CCDC125: variants seen among roughly 807,000 people sequenced by gnomAD.
CCDC125 encodes coiled-coil domain containing 125, also known as coiled-coil domain-containing protein 125.
A neutral mutation model predicts 57.4 loss-of-function variants in CCDC125; 43 were observed. That is an observed-to-expected ratio of 0.75 (90% CI 0.59 to 0.97). The LOEUF is 0.97. CCDC125 is among the 50% of genes least tolerant of loss of function. The probability of loss-of-function intolerance (pLI) is 0.00; values close to 1 mark genes in which losing one functional copy is unlikely to be tolerated. For missense variants in CCDC125, 563 were observed against 595.7 expected (o/e 0.95, Z 0.57); for synonymous variants, 187 against 195.2 (o/e 0.96, Z 0.35).
intron 2 of CCDC125, among the ~76,000 whole-genome samples, chr5:69,315,486 GTGGCTCACACCTGTAATCCTAGCACCT>G (rs71612530): frequency 0.36 from 48,941 of 134,724 alleles, 9,779 homozygotes; most frequent in South Asian, 0.48. Flanking sequence ...GCCAGGTGTG[GTGGCTCACACCTGTAATCCTAGCACCT>G]TGGGAGGCTG....
chr5:69,294,456 C>T (rs964456967), intron 9 of CCDC125, among the ~76,000 whole-genome samples: 7 of 152,050 alleles, frequency 4.6e-5, no homozygotes, highest in East Asian at 1.9e-4. Context: ...TACAGGTGAC[C>T]GCCACCATGC....
At chr5:69,297,320 T>C (rs1194936829) in intron 8 of CCDC125, among the ~76,000 whole-genome samples, 1 of 151,538 alleles carries the variant, frequency 6.6e-6, no homozygotes, top group Non-Finnish European at 1.5e-5. Flanking sequence ...GGATTATAGA[T>C]GTGAGCCACT....
At chr5:69,286,187 ACTATATATATATAT>A (rs1234095481) in intron 10 of CCDC125, among the ~76,000 whole-genome samples, 3 of 53,942 alleles carry the variant, frequency 5.6e-5, no homozygotes, top group Admixed American at 2.3e-4. Context: ...CAAATGGTAA[ACTATATATATATAT>A]ATATATATAT....
intron 7 of CCDC125, among the ~76,000 whole-genome samples, chr5:69,302,657 G>A (rs1417725015): frequency 2.0e-5 from 3 of 151,546 alleles, no homozygotes; most frequent in East Asian, 1.9e-4. Context: ...CCCAGGAGGC[G>A]GAGGTTGCAG....
At chr5:69,289,793 G>T (rs1265421423) in intron 10 of CCDC125, among the ~76,000 whole-genome samples, 1 of 150,544 alleles carries the variant, frequency 6.6e-6, no homozygotes, top group Non-Finnish European at 1.5e-5. Flanking sequence ...AGCCCATGAG[G>T]TAGAGGCTGC....
intron 7 of CCDC125, among the ~76,000 whole-genome samples, chr5:69,303,616 T>C (rs1437896228): frequency 6.6e-6 from 1 of 152,068 alleles, no homozygotes; most frequent in Non-Finnish European, 1.5e-5. Context: ...CTGCCCACCT[T>C]GGCCTCCCAA....
chr5:69,300,045 A>T lies in CCDC125; in HGVS notation c.783T>A (p.Asp261Glu). The T allele has an allele frequency of 6.2e-7, 1 of 1,614,212 alleles. No individual in the cohort carries two copies. The highest frequency in any genetic ancestry group is 8.5e-7 in the Non-Finnish European group (1 of 1,180,034). The change falls in exon 8 of 12, where the codon GAT becomes GAA. Residue 261 changes from aspartate to glutamate, a missense_variant. Physicochemically the swap from Asp to Glu is conservative, Grantham distance 45 (BLOSUM62 2). Transcript: ENST00000396496. ...CTGAAGCCTCTGCAAAGCCACTTTT[A>T]TCACAGCACATGTTTTCCTGAGCCA... ...QKMAQENMCC[D>E]KSGFAEASGL...
intron 3 of CCDC125, chr5:69,313,737 T>C: frequency 1.3e-6 from 1 of 777,494 alleles, no homozygotes; most frequent in African/African-American, 1.7e-5. Flanking sequence ...AGGATGATGT[T>C]CTTCTTGTCT....
intron 3 of CCDC125, chr5:69,313,551 C>T: frequency 1.3e-6 from 1 of 758,656 alleles, no homozygotes; most frequent in East Asian, 2.5e-5. Context: ...GGGGCACAGA[C>T]TCAGTGGCCC....
intron 6 of CCDC125, among the ~76,000 whole-genome samples, chr5:69,305,534 C>A (rs1439846853): frequency 2.0e-5 from 3 of 152,182 alleles, no homozygotes; most frequent in African/African-American, 7.2e-5. Flanking sequence ...TAGCATTCCA[C>A]TGAGGCTATA....
At chr5:69,301,688 T>C (rs1413276479) in intron 7 of CCDC125, among the ~76,000 whole-genome samples, 3 of 151,164 alleles carry the variant, frequency 2.0e-5, no homozygotes, top group Admixed American at 1.3e-4. Context: ...TGAGGTGAGA[T>C]TGCACCATTG....
intron 3 of CCDC125, among the ~76,000 whole-genome samples, chr5:69,312,255 G>A (rs1758280846): frequency 6.6e-6 from 1 of 152,192 alleles, no homozygotes; most frequent in Admixed American, 6.5e-5. Flanking sequence ...AGCATCAGAA[G>A]CTAGGAAGAG....
rs987100730 is a variant in CCDC125, at chr5:69,323,149, A to G, written c.-40-2569T>C. Among the ~76,000 whole-genome samples, 3 of 151,814 alleles carry G rather than the reference A, an allele frequency of 2.0e-5. No individual in the cohort carries two copies. In the East Asian group the frequency reaches 5.9e-4, roughly 30 times the overall value. Reference sequence around the variant, plus strand: ...TGGTGAAACCCCATCTCTACTAAAAATACAAAAAAATTAGCCGGGCATTGT... The same window carrying G: ...TGGTGAAACCCCATCTCTACTAAAAGTACAAAAAAATTAGCCGGGCATTGT... On this transcript the variant is annotated intron_variant, in intron 1 of 11. Transcript: ENST00000396496.
At position 69,320,318 on chromosome 5, in the gene CCDC125, G is replaced by A. The variant is rs866006098; in HGVS notation, c.223C>T (p.Gln75Ter). The change falls in exon 2 of 12, where the codon CAG (glutamine) becomes TAG (stop). Residue 75 changes from glutamine (Q) to a stop codon, truncating the protein, a stop_gained. Transcript: ENST00000396496. LOFTEE classifies it high-confidence loss of function. ...KGEERNEASF[Q>*]YSKHKSQQDT... Reference sequence around the variant, plus strand: ...TGCTGGCTCTTATGCTTGGAATACTGAAAACTCGCTTCATTTCTTTCTTCT... The same window carrying A: ...TGCTGGCTCTTATGCTTGGAATACTAAAAACTCGCTTCATTTCTTTCTTCT... The A allele has an allele frequency of 6.2e-7, 1 of 1,614,044 alleles. No individual in the cohort carries two copies.
intron 11 of CCDC125, among the ~76,000 whole-genome samples, chr5:69,284,453 CAAT>C (rs1225787891): frequency 6.6e-6 from 1 of 152,026 alleles, no homozygotes; most frequent in Non-Finnish European, 1.5e-5. Context: ...AAAAATGCCT[CAAT>C]AAACAGGCAG....
downstream of CCDC125, chr5:69,277,227 G>A: frequency 2.3e-6 from 2 of 867,068 alleles, no homozygotes; most frequent in East Asian, 2.6e-5. Context: ...TGCTGTAGAA[G>A]TGAGTTTGTA....
At position 69,280,286 on chromosome 5, in the gene CCDC125, T is replaced by A. The variant is rs1192641658; in HGVS notation, c.*2443A>T. The A allele has an allele frequency of 6.6e-6, 1 of 152,188 alleles. No individual in the cohort carries two copies. The highest frequency in any genetic ancestry group is 1.5e-5 in the Non-Finnish European group (1 of 68,036). The allele number at this position is 152,188 out of a possible 1,614,324, so 9.4% of individuals were successfully genotyped here. ...TTCCCTTCTAGAGAGCATACACATTTTGATTTTACCTGTCCTCAAACTGAT... is the reference window on the plus strand; with the variant it reads ...TTCCCTTCTAGAGAGCATACACATTATGATTTTACCTGTCCTCAAACTGAT... On this transcript the variant is annotated 3_prime_UTR_variant, in exon 12 of 12. Transcript: ENST00000396496.
chr5:69,283,367 C>A (rs1414454881), intron 11 of CCDC125, among the ~76,000 whole-genome samples: 1 of 151,432 alleles, frequency 6.6e-6, no homozygotes, highest in Non-Finnish European at 1.5e-5. Flanking sequence ...CCACAGGTGC[C>A]CGCCACCACA....
intron 1 of CCDC125, among the ~76,000 whole-genome samples, chr5:69,327,250 A>G (rs948715540): frequency 2.6e-5 from 4 of 151,666 alleles, no homozygotes; most frequent in Non-Finnish European, 5.9e-5. Flanking sequence ...GCCCGCCACC[A>G]CGCCCGGCTA....
Sources: gnomAD v4.1 joint callset for allele counts (sites outside exome capture counted in the v4.1 genomes callset) on GRCh38, gnomAD v4.1.1 for gene constraint, MANE v1.5 for transcripts, NCBI Gene and HGNC (gene_info 2026-07-23, HGNC 2026-07-21) for gene names.